ATP6V1B1: variants seen among roughly 807,000 people sequenced by gnomAD.
The protein encoded by ATP6V1B1 is ATPase H+ transporting V1 subunit B1.
Under a neutral mutation model 62.1 loss-of-function variants are expected in ATP6V1B1, and 41 were observed. The ratio of observed to expected loss-of-function variants is 0.66; its 90% CI spans 0.51 to 0.86. The LOEUF (loss-of-function observed/expected upper bound fraction) is 0.86, where lower values mean the gene tolerates loss of function less well. Ranked by LOEUF, ATP6V1B1 falls within the 40% of genes least tolerant of loss-of-function variation. ATP6V1B1 has a pLI of 0.00. For missense variants in ATP6V1B1, 651 were observed against 697.5 expected (o/e 0.93, Z 0.75); for synonymous variants, 253 against 273.4 (o/e 0.93, Z 0.74).
chr2:70,945,620 G>A (rs141020222), intron 2 of ATP6V1B1, among the ~76,000 whole-genome samples: 150 of 149,498 alleles, frequency 1.0e-3, no homozygotes, highest in African/African-American at 3.5e-3. Context: ...GATCAGGTCA[G>A]GGCAATTAGC....
intron 2 of ATP6V1B1, among the ~76,000 whole-genome samples, chr2:70,953,742 T>C (rs782812673): frequency 2.0e-5 from 3 of 152,232 alleles, no homozygotes; most frequent in Non-Finnish European, 4.4e-5. Context: ...TACCTTCTCT[T>C]CCTGGCTTTG....
chr2:70,943,926 T>C (rs919893199), intron 2 of ATP6V1B1: 27 of 901,164 alleles, frequency 3.0e-5, no homozygotes, highest in Admixed American at 1.9e-4. Context: ...GTAAAAACCA[T>C]AAAAACCCCA....
intron 7 of ATP6V1B1, 99 bp from the exon 8 acceptor site, chr2:70,961,497 T>C (rs1553420094): frequency 1.6e-6 from 2 of 1,247,260 alleles, no homozygotes; most frequent in East Asian, 4.6e-5. Context: ...GACTGGTAGC[T>C]GGTCAGTCCA....
chr2:70,961,776 G>T lies in ATP6V1B1; in HGVS notation c.785+83G>T, dbSNP rs966101931. 5 of 1,348,400 alleles carry T rather than the reference G, an allele frequency of 3.7e-6. No homozygotes were observed. The East Asian group carries it at 1.2e-4, about 31-fold the overall frequency. 83.5% of individuals were successfully genotyped at this position (1,348,400 alleles called of 1,614,324 possible). A position where few individuals can be genotyped will look rare whatever the true frequency, so the allele number is the denominator to read the frequency against. Reference sequence around the variant, plus strand: ...AGACCTACAGTACCAGGGCTCCAGGGCATCCCAGAACTACAGCCATACGCC... The same window carrying T: ...AGACCTACAGTACCAGGGCTCCAGGTCATCCCAGAACTACAGCCATACGCC... On this transcript the variant is annotated intron_variant, in intron 8 of 13. Coordinates refer to ENST00000234396, the MANE Select transcript of ATP6V1B1 (RefSeq NM_001692.4).
At chr2:70,939,027 C>G (rs1679922266) in intron 1 of ATP6V1B1, among the ~76,000 whole-genome samples, 1 of 152,258 alleles carries the variant, frequency 6.6e-6, no homozygotes, top group Admixed American at 6.5e-5. Flanking sequence ...CCTGCCCTCC[C>G]TCCTCTAATC....
At chr2:70,960,401 C>T (rs1553419845) in intron 6 of ATP6V1B1, among the ~76,000 whole-genome samples, 1 of 152,230 alleles carries the variant, frequency 6.6e-6, no homozygotes, top group South Asian at 2.1e-4. Flanking sequence ...CTTCTCTCAA[C>T]CACCAACAGT....
intron 7 of ATP6V1B1, among the ~76,000 whole-genome samples, chr2:70,961,296 C>G (rs1553420069): frequency 6.6e-6 from 1 of 152,104 alleles, no homozygotes; most frequent in Non-Finnish European, 1.5e-5. Context: ...CCTGGGAGGC[C>G]AGGGAGGTGG....
In ATP6V1B1 at chr2:70,963,667, C is replaced by T; in HGVS notation, c.1143+13C>T. On this transcript the variant is annotated intron_variant, in intron 11 of 13. Transcript: ENST00000234396. This position sits in a 1 kb window ranked among gnomAD's most constrained non-coding sequence, Gnocchi z 4.3. ...TCACAACAGACAGGTACTGCCCTGTCCCTACCCACTTCCTGCTCTCAGCCC... is the reference window on the plus strand; with the variant it reads ...TCACAACAGACAGGTACTGCCCTGTTCCTACCCACTTCCTGCTCTCAGCCC... 6.2e-7 allele frequency: 1 copy of T among 1,610,460 alleles called. No homozygotes were observed. Among genetic ancestry groups the T allele is most frequent in the Non-Finnish European group, 8.5e-7 (1 of 1,176,660 alleles).
intron 2 of ATP6V1B1, among the ~76,000 whole-genome samples, chr2:70,948,990 T>A (rs1354091322): frequency 6.6e-6 from 1 of 152,198 alleles, no homozygotes; most frequent in Admixed American, 6.5e-5. Flanking sequence ...GTAATGATGA[T>A]GATAATCACC....
intron 1 of ATP6V1B1, among the ~76,000 whole-genome samples, chr2:70,942,650 C>A (rs1332960185): frequency 2.0e-5 from 3 of 152,208 alleles, no homozygotes; most frequent in African/African-American, 4.8e-5. Flanking sequence ...TGCTGTGTGG[C>A]CCTGGGCAAG....
At chr2:70,958,505 A>G in intron 4 of ATP6V1B1, 79 bp downstream of exon 4, 1 of 1,335,992 alleles carries the variant, frequency 7.5e-7, no homozygotes, top group South Asian at 1.2e-5. Flanking sequence ...CCCTCAGCAC[A>G]CTACACTGTC....
At chr2:70,942,656 G>T (rs1280559148) in intron 1 of ATP6V1B1, among the ~76,000 whole-genome samples, 4 of 152,220 alleles carry the variant, frequency 2.6e-5, no homozygotes, top group African/African-American at 9.6e-5. Context: ...GTGGCCCTGG[G>T]CAAGGCTTCT....
Position 70,964,774 on chromosome 2 carries a change from G to A in ATP6V1B1, c.1287G>A (p.Met429Ile), listed in dbSNP as rs368854893. The A allele has an allele frequency of 1.6e-5, 26 of 1,614,040 alleles. No homozygotes were observed. The African/African-American group carries it at 3.3e-4, about 21-fold the overall frequency. ...CCATCGGGAAGGACGTGCAGGCCAT[G>A]AAGGCAGTAGTTGGGGAGGAGGCGC... is the stretch of plus-strand genomic sequence containing the variant. Reference protein sequence around the residue: ...CYAIGKDVQAMKAVVGEEALT... With the variant: ...CYAIGKDVQAIKAVVGEEALT... The change falls in exon 13 of 14, where the codon ATG becomes ATA. Residue 429 changes from methionine (M) to isoleucine (I), a missense_variant. Transcript: ENST00000234396.
At chr2:70,945,926 T>C (rs1680159170) in intron 2 of ATP6V1B1, among the ~76,000 whole-genome samples, 1 of 151,680 alleles carries the variant, frequency 6.6e-6, no homozygotes, top group African/African-American at 2.4e-5. Context: ...CCCTCTTCTC[T>C]ACTTTTTGTG....
intron 2 of ATP6V1B1, among the ~76,000 whole-genome samples, chr2:70,950,007 T>A (rs961389604): frequency 2.0e-5 from 3 of 152,228 alleles, no homozygotes; most frequent in Non-Finnish European, 2.9e-5. Flanking sequence ...ACTTTATATT[T>A]AAATTTTTTT....
At position 70,960,006 on chromosome 2, in the gene ATP6V1B1, T is replaced by G. The variant is rs1338266525; in HGVS notation, c.513T>G (p.Ile171Met). The G allele has an allele frequency of 1.9e-6, 3 of 1,614,066 alleles. No individual in the cohort carries two copies. The highest frequency in any genetic ancestry group is 2.5e-6 in the Non-Finnish European group (3 of 1,180,048). The change falls in exon 6 of 14, where the codon ATT becomes ATG. Residue 171 changes from isoleucine to methionine, a missense_variant. Ile to Met is a conservative substitution (Grantham distance 10). Transcript: ENST00000234396. ...TGATTCAGACGGGCATTTCTCCTAT[T>G]GACGTCATGAACAGCATTGCCCGCG... is the stretch of plus-strand genomic sequence containing the variant. ...EEMIQTGISP[I>M]DVMNSIARGQ...
chr2:70,945,135 G>A (rs1024487427), intron 2 of ATP6V1B1, among the ~76,000 whole-genome samples: 1 of 152,126 alleles, frequency 6.6e-6, no homozygotes. Context: ...AGTAATGTAT[G>A]TTTATTAACA....
At chr2:70,940,467 G>A in intron 1 of ATP6V1B1, 2 of 985,406 alleles carry the variant, frequency 2.0e-6, no homozygotes, top group Non-Finnish European at 2.4e-6. Context: ...AAAAATGAGG[G>A]TCTCTCCTGC....
At chr2:70,941,107 G>A (rs191391606) in intron 1 of ATP6V1B1, 3 of 449,612 alleles carry the variant, frequency 6.7e-6, no homozygotes, top group Admixed American at 1.3e-4. Flanking sequence ...CTGTAGAGAC[G>A]AGGCTTCACC....
Sources: gnomAD v4.1 joint callset for allele counts (sites outside exome capture counted in the v4.1 genomes callset) on GRCh38, gnomAD v4.1.1 for gene constraint, Gnocchi (gnomAD v3.1) non-coding constraint, MANE v1.5 for transcripts, NCBI Gene and HGNC (gene_info 2026-07-23, HGNC 2026-07-21) for gene names.